C14orf132: variants seen among roughly 807,000 people sequenced by gnomAD.
The protein encoded by C14orf132 is uncharacterized protein C14orf132.
A neutral mutation model predicts 5.8 loss-of-function variants in C14orf132; 6 were observed. The observed-to-expected ratio is 1.03, with a 90% CI of 0.57 to 2.04. The LOEUF (loss-of-function observed/expected upper bound fraction) is 2.04. C14orf132 is among the 30% of genes most tolerant of loss of function. The pLI, the probability that C14orf132 is intolerant of heterozygous loss-of-function variation, is 0.00. For synonymous variants in C14orf132, 51 were observed against 49.8 expected, an observed-to-expected ratio of 1.02 and a Z score of -0.10; for missense variants, 125 against 115.8, an observed-to-expected ratio of 1.08 and a Z score of -0.37.
intron 1 of C14orf132, among the ~76,000 whole-genome samples, chr14:96,072,272 C>A (rs1445612985): frequency 6.6e-6 from 1 of 152,162 alleles, no homozygotes; most frequent in Non-Finnish European, 1.5e-5. Context: ...GTCATATATG[C>A]AGTAAAATCT....
chr14:96,066,118 C>T (rs1887520583), intron 1 of C14orf132, among the ~76,000 whole-genome samples: 1 of 152,158 alleles, frequency 6.6e-6, no homozygotes, highest in Non-Finnish European at 1.5e-5. Flanking sequence ...GCATCTCAAA[C>T]AGGCCTTGGC....
Position 96,039,644 on chromosome 14 carries a change from G to A in C14orf132, c.27+117G>A. 8.9e-7 allele frequency: 1 copy of A among 1,129,792 alleles called. No homozygotes were observed. Among genetic ancestry groups the A allele is most frequent in the Non-Finnish European group, 1.2e-6 (1 of 850,898 alleles). The allele number at this position is 1,129,792 out of a possible 1,614,324, so 70.0% of individuals were successfully genotyped here. A position where few individuals can be genotyped will look rare whatever the true frequency, so the allele number is the denominator to read the frequency against. ...GGCGCCCGCCCGCGATCCGCGTCCC[G>A]GTCCTTTGTCCCGAGCCGGACACCC... is the stretch of plus-strand genomic sequence containing the variant. On this transcript the variant is annotated intron_variant, in intron 1 of 1. Coordinates refer to ENST00000555004, the MANE Select transcript of C14orf132 (RefSeq NM_001252507.3). The surrounding 1 kb of genome is among the most constrained non-coding windows in gnomAD (Gnocchi z 5.3).
intron 1 of C14orf132, among the ~76,000 whole-genome samples, chr14:96,086,052 T>A (rs1411274908): frequency 6.6e-6 from 1 of 151,958 alleles, no homozygotes; most frequent in African/African-American, 2.4e-5. Context: ...CATCAAAATG[T>A]TAGCACTGAT....
rs553100714 is a variant in C14orf132 at position 96,086,776 on chromosome 14, C to T, written c.*41C>T. The T allele has an allele frequency of 7.5e-4, 1,133 of 1,516,442 alleles. 6 individuals carry two copies. The African/African-American group carries it at 0.014, about 19-fold the overall frequency. 93.9% of individuals were successfully genotyped at this position (1,516,442 alleles called of 1,614,324 possible). A position where few individuals can be genotyped will look rare whatever the true frequency, so the allele number is the denominator to read the frequency against. Reference sequence around the variant, plus strand: ...CACCACCATGGGGTGAGGCTTGGCACGTAGCTCTGACTTGCTGTCGGCCTT... The same window carrying T: ...CACCACCATGGGGTGAGGCTTGGCATGTAGCTCTGACTTGCTGTCGGCCTT... On this transcript the variant is annotated 3_prime_UTR_variant, in exon 2 of 2. Coordinates refer to ENST00000555004, the MANE Select transcript of C14orf132 (RefSeq NM_001252507.3).
intron 1 of C14orf132, among the ~76,000 whole-genome samples, chr14:96,054,323 G>A (rs886538308): frequency 7.2e-5 from 11 of 152,320 alleles, no homozygotes; most frequent in East Asian, 3.9e-4. Flanking sequence ...ATGGTCCCCA[G>A]CCACGGCATT....
chr14:96,068,255 G>A (rs918400172), intron 1 of C14orf132, among the ~76,000 whole-genome samples: 2 of 152,194 alleles, frequency 1.3e-5, no homozygotes, highest in African/African-American at 2.4e-5. Context: ...CAGCAAAACG[G>A]CCAGATTTGG....
rs548354987 is a variant in C14orf132 at position 96,049,523 on chromosome 14, T to C, written c.27+9996T>C. 3.5e-5 allele frequency among the ~76,000 whole-genome samples: 5 copies of C among 141,436 alleles called. No homozygotes were observed. In the South Asian group the frequency reaches 8.8e-4, roughly 25 times the overall value. 92.8% of individuals were successfully genotyped at this position (141,436 alleles called of 152,430 possible). A position where few individuals can be genotyped will look rare whatever the true frequency, so the allele number is the denominator to read the frequency against. Reference sequence around the variant, plus strand: ...GTATATATACGTATATACGTATATATATACACATATATACATACGTATATA... The same window carrying C: ...GTATATATACGTATATACGTATATACATACACATATATACATACGTATATA... On this transcript the variant is annotated intron_variant, in intron 1 of 1. Transcript: ENST00000555004.
In C14orf132 at chr14:96,050,498, G is replaced by A. The variant is rs7141923; in HGVS notation, c.27+10971G>A. 2.0e-3 allele frequency among the ~76,000 whole-genome samples: 306 copies of A among 152,060 alleles called. 2 individuals carry two copies. Among genetic ancestry groups the A allele is most frequent in the African/African-American group, 6.5e-3 (269 of 41,476 alleles). On this transcript the variant is annotated intron_variant, in intron 1 of 1. Transcript: ENST00000555004. ...TAATTTTTTGGGTGATTCTTTCCCT[G>A]CCTCAGGCAGTTTCTGTACAAACAT... is the stretch of plus-strand genomic sequence containing the variant.
chr14:96,072,294 A>G (rs1206145179), intron 1 of C14orf132, among the ~76,000 whole-genome samples: 3 of 152,204 alleles, frequency 2.0e-5, no homozygotes, highest in Non-Finnish European at 4.4e-5. Context: ...GGCGCTGTAG[A>G]AAGAGCTTGG....
At chr14:96,045,598 C>T (rs1886812826) in intron 1 of C14orf132, among the ~76,000 whole-genome samples, 1 of 152,200 alleles carries the variant, frequency 6.6e-6, no homozygotes, top group South Asian at 2.1e-4. Context: ...TTGCTCATGC[C>T]ATGCAGAAAC....
Position 96,089,241 on chromosome 14 carries a change from A to C in C14orf132, c.*2506A>C, listed in dbSNP as rs942825807. On this transcript the variant is annotated 3_prime_UTR_variant, in exon 2 of 2. Coordinates refer to ENST00000555004, the MANE Select transcript of C14orf132 (RefSeq NM_001252507.3). ...CCGGGGTCCGTCTTAGCAGTTTGGA[A>C]AGGGGAAAAAGATGCCGGTCCTCAC... 2.6e-5 allele frequency: 4 copies of C among 152,248 alleles called. No individual in the cohort carries two copies. Among genetic ancestry groups the C allele is most frequent in the Admixed American group, 2.6e-4 (4 of 15,274 alleles). 9.4% of individuals were successfully genotyped at this position (152,248 alleles called of 1,614,324 possible). A position where few individuals can be genotyped will look rare whatever the true frequency, so the allele number is the denominator to read the frequency against.
At chr14:96,060,934 T>G (rs1245055017) in intron 1 of C14orf132, among the ~76,000 whole-genome samples, 2 of 152,184 alleles carry the variant, frequency 1.3e-5, no homozygotes, top group Non-Finnish European at 2.9e-5. Flanking sequence ...CATAGACCTT[T>G]GAATAGGAAG....
At chr14:96,081,983 C>T (rs935398975) in intron 1 of C14orf132, among the ~76,000 whole-genome samples, 2 of 152,094 alleles carry the variant, frequency 1.3e-5, no homozygotes, top group Admixed American at 6.5e-5. Flanking sequence ...GCCCCCCTCG[C>T]CCCCCAGGTC....
chr14:96,056,518 C>A (rs1859035219), intron 1 of C14orf132, among the ~76,000 whole-genome samples: 1 of 152,148 alleles, frequency 6.6e-6, no homozygotes, highest in South Asian at 2.1e-4. Context: ...GAGTTTGAAA[C>A]CAGCTGGGTG....
intron 1 of C14orf132, among the ~76,000 whole-genome samples, chr14:96,056,270 GCC>G (rs1271179001): frequency 1.3e-5 from 2 of 152,176 alleles, no homozygotes; most frequent in Non-Finnish European, 2.9e-5. Context: ...ACGTGACATG[GCC>G]CTCTGTGAGC....
intron 1 of C14orf132, among the ~76,000 whole-genome samples, chr14:96,069,281 A>G (rs57242781): frequency 1.1e-4 from 3 of 26,342 alleles, no homozygotes; most frequent in South Asian, 1.7e-3. Flanking sequence ...ATATATATAT[A>G]TATATATATA....
intron 1 of C14orf132, among the ~76,000 whole-genome samples, chr14:96,071,299 C>T (rs1275766230): frequency 2.0e-5 from 3 of 152,220 alleles, no homozygotes; most frequent in African/African-American, 4.8e-5. Flanking sequence ...TAACTGCCCC[C>T]GTGATCCAAT....
intron 1 of C14orf132, among the ~76,000 whole-genome samples, chr14:96,045,562 G>T (rs1340158986): frequency 6.6e-6 from 1 of 152,232 alleles, no homozygotes; most frequent in African/African-American, 2.4e-5. Flanking sequence ...AGCCTGGCCT[G>T]GATGGGGCTT....
chr14:96,087,125 G>A lies in C14orf132; in HGVS notation c.*390G>A, dbSNP rs1888221351. The stretch of plus-strand genomic sequence containing the variant: ...TGTCTTGTTTTTATGCAAACTTATC[G>A]AACCTAGGGCGTGGGGTGCTGGGGC... On this transcript the variant is annotated 3_prime_UTR_variant, in exon 2 of 2. Transcript: ENST00000555004. 4.2e-6 allele frequency: 1 copy of A among 239,822 alleles called. No individual in the cohort carries two copies. The highest frequency in any genetic ancestry group is 1.1e-4 in the East Asian group (1 of 8,726). 14.9% of individuals were successfully genotyped at this position (239,822 alleles called of 1,614,324 possible).
Sources: allele counts gnomAD v4.1 joint callset (sites outside exome capture counted in the v4.1 genomes callset), GRCh38; gene constraint gnomAD v4.1.1; non-coding constraint Gnocchi (gnomAD v3.1); transcripts MANE v1.5; gene names NCBI Gene and HGNC (gene_info 2026-07-23, HGNC 2026-07-21).